Variants in CENPW observed in about 807,000 individuals in gnomAD.
CENPW encodes the protein centromere protein W, also known as cancer-up-regulated gene 2 protein.
CENPW carries 3 observed loss-of-function variants against 11.1 expected under a neutral mutation model. The ratio of observed to expected loss-of-function variants is 0.27; its 90% CI spans 0.12 to 0.70. The LOEUF (loss-of-function observed/expected upper bound fraction) is 0.70. Among genes scored for constraint, CENPW ranks in the 30% least tolerant of loss-of-function variants. The pLI is 0.77. For synonymous variants in CENPW, 38 were observed against 42.0 expected, an observed-to-expected ratio of 0.91 and a Z score of 0.37; for missense variants, 100 against 105.6, an observed-to-expected ratio of 0.95 and a Z score of 0.23.
At chr6:126,422,902 T>C in the CENPW span, among the ~76,000 whole-genome samples, 1 of 152,106 alleles carries the variant, frequency 6.6e-6, no homozygotes, top group Non-Finnish European at 1.5e-5. Context: ...AACGGGGCCT[T>C]CTGAAGTAAT....
the CENPW span, among the ~76,000 whole-genome samples, chr6:126,436,677 G>C: frequency 4.0e-5 from 6 of 151,794 alleles, no homozygotes; most frequent in East Asian, 1.2e-3. Flanking sequence ...CTTTCCTTTA[G>C]AATGTTTAAA....
At chr6:126,393,326 T>A in the CENPW span, among the ~76,000 whole-genome samples, 1 of 151,902 alleles carries the variant, frequency 6.6e-6, no homozygotes, top group African/African-American at 2.4e-5. Flanking sequence ...TCTACTAATT[T>A]CAAATTTGGT....
At chr6:126,450,225 T>A in the CENPW span, among the ~76,000 whole-genome samples, 1 of 151,136 alleles carries the variant, frequency 6.6e-6, no homozygotes, top group Non-Finnish European at 1.5e-5. Context: ...TATGTTGTAG[T>A]TGTTAAACAA....
intron 1 of CENPW, among the ~76,000 whole-genome samples, chr6:126,344,334 T>A (rs973905940): frequency 6.6e-6 from 1 of 152,178 alleles, no homozygotes; most frequent in African/African-American, 2.4e-5. Flanking sequence ...AGAGGCAAGG[T>A]TGCATTTGAA....
At chr6:126,470,936 T>C in the CENPW span, among the ~76,000 whole-genome samples, 1 of 152,348 alleles carries the variant, frequency 6.6e-6, no homozygotes, top group Admixed American at 6.5e-5. Flanking sequence ...AGTACCAACT[T>C]GCTTTTGATT....
chr6:126,418,305 G>A, the CENPW span, among the ~76,000 whole-genome samples: 1 of 152,170 alleles, frequency 6.6e-6, no homozygotes, highest in Non-Finnish European at 1.5e-5. Context: ...AATGCTCATA[G>A]CAGCGTTATT....
chr6:126,466,757 AG>A, the CENPW span, among the ~76,000 whole-genome samples: 15 of 152,146 alleles, frequency 9.9e-5, no homozygotes, highest in African/African-American at 3.6e-4. Flanking sequence ...TTGACCCAAA[AG>A]CTCCTTCAGC....
the CENPW span, among the ~76,000 whole-genome samples, chr6:126,368,533 TC>T: frequency 5.3e-5 from 8 of 151,824 alleles, no homozygotes; most frequent in Admixed American, 2.0e-4. Context: ...TTTTTTTTTT[TC>T]AGTAGGCTTT....
the CENPW span, among the ~76,000 whole-genome samples, chr6:126,433,500 T>C: frequency 6.6e-6 from 1 of 152,180 alleles, no homozygotes; most frequent in African/African-American, 2.4e-5. Context: ...GTTGGTATAG[T>C]ATGTCAGAAA....
chr6:126,463,417 T>C, the CENPW span, among the ~76,000 whole-genome samples: 1 of 151,884 alleles, frequency 6.6e-6, no homozygotes, highest in Non-Finnish European at 1.5e-5. Context: ...CTTAAGGAAA[T>C]GAAAATGTAA....
At chr6:126,380,485 G>C in the CENPW span, among the ~76,000 whole-genome samples, 1 of 152,162 alleles carries the variant, frequency 6.6e-6, no homozygotes, top group Non-Finnish European at 1.5e-5. Flanking sequence ...TCATGGCAGA[G>C]GGTTTCCCTG....
chr6:126,424,235 A>T, the CENPW span, among the ~76,000 whole-genome samples: 1 of 152,146 alleles, frequency 6.6e-6, no homozygotes, highest in African/African-American at 2.4e-5. Context: ...TCTGAAGACC[A>T]CACACAGAGA....
chr6:126,480,141 G>C, the CENPW span, among the ~76,000 whole-genome samples: 6 of 151,894 alleles, frequency 4.0e-5, no homozygotes, highest in Admixed American at 1.3e-4. Flanking sequence ...AAAATACATA[G>C]CTTATTATTT....
chr6:126,460,010 T>C, the CENPW span, among the ~76,000 whole-genome samples: 41 of 151,736 alleles, frequency 2.7e-4, no homozygotes, highest in African/African-American at 9.9e-4. Context: ...TGGGTAATTT[T>C]GTGTTTTTAA....
chr6:126,463,042 A>G, the CENPW span, among the ~76,000 whole-genome samples: 1 of 152,084 alleles, frequency 6.6e-6, no homozygotes, highest in Non-Finnish European at 1.5e-5. Flanking sequence ...TAAGATAGTG[A>G]AAAGAAGATT....
At chr6:126,388,586 A>G in the CENPW span, among the ~76,000 whole-genome samples, 1 of 151,964 alleles carries the variant, frequency 6.6e-6, no homozygotes, top group Admixed American at 6.6e-5. Flanking sequence ...GAGTATTTAT[A>G]GGACTGCCCA....
chr6:126,462,096 A>G, the CENPW span, among the ~76,000 whole-genome samples: 1 of 151,984 alleles, frequency 6.6e-6, no homozygotes, highest in Non-Finnish European at 1.5e-5. Context: ...GATTGTTCAT[A>G]AATATTGAGA....
chr6:126,440,118 T>C, the CENPW span, among the ~76,000 whole-genome samples: 1 of 151,702 alleles, frequency 6.6e-6, no homozygotes, highest in African/African-American at 2.4e-5. Context: ...TCTACTTATA[T>C]TTAAATGATT....
chr6:126,457,723 C>A, the CENPW span, among the ~76,000 whole-genome samples: 1 of 151,204 alleles, frequency 6.6e-6, no homozygotes, highest in Non-Finnish European at 1.5e-5. Context: ...CTAAAACCAC[C>A]GCTTGGTATT....
Sources: gnomAD v4.1 joint callset for allele counts (sites outside exome capture counted in the v4.1 genomes callset) on GRCh38, gnomAD v4.1.1 for gene constraint, MANE v1.5 for transcripts, NCBI Gene and HGNC (gene_info 2026-07-23, HGNC 2026-07-21) for gene names.